COQ7: variants seen among roughly 807,000 people sequenced by gnomAD.
COQ7 encodes coenzyme Q7, hydroxylase.
In COQ7, 21 loss-of-function variants were observed where a neutral mutation model predicts 25.0. That is an observed-to-expected ratio of 0.84 (90% CI 0.60 to 1.21). The LOEUF (loss-of-function observed/expected upper bound fraction) is 1.21, where lower values mean the gene tolerates loss of function less well. COQ7 is among the 50% of genes most tolerant of loss of function. The probability of loss-of-function intolerance (pLI) is 0.00; values close to 1 mark genes in which losing one functional copy is unlikely to be tolerated. For synonymous variants in COQ7, 125 were observed against 112.4 expected, an observed-to-expected ratio of 1.11 and a Z score of -0.71; for missense variants, 311 against 296.2, an observed-to-expected ratio of 1.05 and a Z score of -0.37.
chr16:19,074,238 A>C (rs1962716266), intron 3 of COQ7: 1 of 447,542 alleles, frequency 2.2e-6, no homozygotes, highest in African/African-American at 2.0e-5. Flanking sequence ...GTACTTTAAA[A>C]AAAAAGGCCG....
rs995695620 is a variant in COQ7 at position 19,067,874 on chromosome 16, T to G, written c.73+137T>G. On this transcript the variant is annotated intron_variant, in intron 1 of 5. Coordinates refer to ENST00000321998, the MANE Select transcript of COQ7 (RefSeq NM_016138.5). Reference sequence around the variant, plus strand: ...CTGCGACGGAGCGCGACTGCGTGACTTCGGCCTCCGGGGCGCTGGCGGGCG... The same window carrying G: ...CTGCGACGGAGCGCGACTGCGTGACGTCGGCCTCCGGGGCGCTGGCGGGCG... 2.5e-5 allele frequency: 37 copies of G among 1,497,044 alleles called. No homozygotes were observed. In the African/African-American group the frequency reaches 4.9e-4, roughly 20 times the overall value. 92.7% of individuals were successfully genotyped at this position (1,497,044 alleles called of 1,614,324 possible). A position where few individuals can be genotyped will look rare whatever the true frequency, so the allele number is the denominator to read the frequency against.
chr16:19,077,281 C>A, intron 4 of COQ7, 25 bp from the exon 5 acceptor site: 2 of 1,609,396 alleles, frequency 1.2e-6, no homozygotes, highest in Non-Finnish European at 1.7e-6. Context: ...GGCTAACTTG[C>A]TTTGGTGTCT....
chr16:19,074,675 A>G (rs1962742797), intron 3 of COQ7, among the ~76,000 whole-genome samples: 1 of 152,096 alleles, frequency 6.6e-6, no homozygotes, highest in Admixed American at 6.6e-5. Flanking sequence ...TCTGAGCCTG[A>G]GTATCTTGGA....
chr16:19,077,269 A>G, intron 4 of COQ7, 37 bp from the exon 5 acceptor site: 1 of 1,580,790 alleles, frequency 6.3e-7, no homozygotes, highest in Non-Finnish European at 8.7e-7. Flanking sequence ...GGAGAGTTGG[A>G]AGGCTAACTT....
rs777896232 is a variant in COQ7, at chr16:19,075,846, G to A, written c.493G>A (p.Glu165Lys). 5 of 1,614,206 alleles carry A rather than the reference G, an allele frequency of 3.1e-6. No homozygotes were observed. The highest frequency in any genetic ancestry group is 2.5e-6 in the Non-Finnish European group (3 of 1,180,036). The stretch of plus-strand genomic sequence containing the variant: ...GATGGAGGAGGACCCTGAAAAATAC[G>A]AGGAACTTCTTCAGGTATTTATCCG... ...TLMEEDPEKYEELLQLIKKFR... is the reference protein window; with the variant it reads ...TLMEEDPEKYKELLQLIKKFR... The change falls in exon 4 of 6, where the codon GAG (glutamate) becomes AAG (lysine). Residue 165 changes from glutamate to lysine, a missense_variant. Coordinates refer to ENST00000321998, the MANE Select transcript of COQ7 (RefSeq NM_016138.5).
intron 1 of COQ7, among the ~76,000 whole-genome samples, chr16:19,069,608 G>A (rs1174303498): frequency 3.3e-5 from 5 of 151,492 alleles, no homozygotes; most frequent in African/African-American, 9.7e-5. Flanking sequence ...ACGGGGTTTC[G>A]CCATGATGAC....
chr16:19,067,774 C>G (rs1010214027), intron 1 of COQ7, 37 bp downstream of exon 1: 2 of 1,577,396 alleles, frequency 1.3e-6, no homozygotes, highest in Non-Finnish European at 1.7e-6. Flanking sequence ...CTGCGCCGGT[C>G]TAGCGAGCTA....
intron 1 of COQ7, chr16:19,068,969 G>A: frequency 2.4e-6 from 1 of 416,772 alleles, no homozygotes; most frequent in South Asian, 1.7e-5. Flanking sequence ...AAATTAGCAA[G>A]TGTTGGGAAA....
At chr16:19,073,506 C>G (rs1027884646) in intron 2 of COQ7, among the ~76,000 whole-genome samples, 1 of 151,990 alleles carries the variant, frequency 6.6e-6, no homozygotes, top group African/African-American at 2.4e-5. Context: ...ACAAACAAAC[C>G]ACAACAACAA....
At position 19,075,716 on chromosome 16, in the gene COQ7, C is replaced by A; in HGVS notation, c.368-5C>A. 6.4e-7 allele frequency: 1 copy of A among 1,561,732 alleles called. No homozygotes were observed. On this transcript the variant is annotated splice_region_variant and splice_polypyrimidine_tract_variant and intron_variant, in intron 3 of 5. Coordinates refer to ENST00000321998, the MANE Select transcript of COQ7 (RefSeq NM_016138.5). ...ACTTTTCTGGTCTGGGTTTAACAAT[C>A]CCAGGGGCGGGGACCGCCTTGCTCG...
chr16:19,078,404 T>G lies in COQ7; in HGVS notation c.*246T>G, dbSNP rs1962974355. 3.2e-6 allele frequency: 1 copy of G among 317,156 alleles called. No homozygotes were observed. The highest frequency in any genetic ancestry group is 5.7e-6 in the Non-Finnish European group (1 of 175,754). 19.6% of individuals were successfully genotyped at this position (317,156 alleles called of 1,614,324 possible). On this transcript the variant is annotated 3_prime_UTR_variant, in exon 6 of 6. Transcript: ENST00000321998. ...ACAGCAAACGAAGCTGGGCCTTGTT[T>G]GGTCTCATACTTAATTTTCTTTTAT...
intron 4 of COQ7, 101 bp downstream of exon 4, chr16:19,075,961 G>A (rs1344320820): frequency 1.0e-5 from 15 of 1,483,852 alleles, no homozygotes; most frequent in African/African-American, 2.8e-5. Flanking sequence ...GGGATGATGG[G>A]GGTTTAGAGG....
rs118158414 is a variant in COQ7, at chr16:19,068,156, G to A, written c.73+419G>A. ...CAGCCTCCGCTACTTCTGGGCGCTC[G>A]CTAGAAATACAGATTCTCGGGCCCC... On this transcript the variant is annotated intron_variant, in intron 1 of 5. Transcript: ENST00000321998. 6.6e-3 allele frequency: 6,859 copies of A among 1,045,266 alleles called. 36 individuals carry two copies. The highest frequency in any genetic ancestry group is 0.034 in the Middle Eastern group (73 of 2,154). 64.7% of individuals were successfully genotyped at this position (1,045,266 alleles called of 1,614,324 possible).
Position 19,067,661 on chromosome 16 carries a change from G to A in COQ7, c.-4G>A, listed in dbSNP as rs779453311. 2.5e-6 allele frequency: 4 copies of A among 1,613,272 alleles called. No homozygotes were observed. In the South Asian group the frequency reaches 3.3e-5, roughly 13 times the overall value. On this transcript the variant is annotated 5_prime_UTR_variant, in exon 1 of 6. Coordinates refer to ENST00000321998, the MANE Select transcript of COQ7 (RefSeq NM_016138.5). ...CGAAGTGGTTGCTTTTTTTAGTTCC[G>A]GCAATGAGTTGCGCCGGGGCGGCGG...
intron 3 of COQ7, among the ~76,000 whole-genome samples, chr16:19,074,967 C>T (rs1266696682): frequency 2.0e-5 from 3 of 152,156 alleles, no homozygotes; most frequent in Admixed American, 6.6e-5. Flanking sequence ...GATCTGTTCA[C>T]TCTTTTAAAA....
In COQ7 at chr16:19,078,129, G is replaced by A; in HGVS notation, c.625G>A (p.Val209Met). The A allele has an allele frequency of 1.2e-6, 2 of 1,611,944 alleles. No homozygotes were observed. Among genetic ancestry groups the A allele is most frequent in the Non-Finnish European group, 1.7e-6 (2 of 1,179,078 alleles). ...LKSIIQAGCR[V>M]AIYLSERL The stretch of plus-strand genomic sequence containing the variant: ...GAGCATTATCCAGGCCGGATGCAGA[G>A]TGGCGATATATTTATCAGAAAGATT... The change falls in exon 6 of 6, where the codon GTG becomes ATG. Residue 209 changes from valine to methionine, a missense_variant. Val to Met is a conservative substitution (Grantham distance 21). Coordinates refer to ENST00000321998, the MANE Select transcript of COQ7 (RefSeq NM_016138.5).
chr16:19,068,525 G>A (rs1192140810), intron 1 of COQ7: 2 of 322,620 alleles, frequency 6.2e-6, no homozygotes, highest in Non-Finnish European at 4.5e-6. Flanking sequence ...GATGGCAGGT[G>A]CCTGTAATCC....
At chr16:19,072,326 A>C in intron 2 of COQ7, 1 of 566,714 alleles carries the variant, frequency 1.8e-6, no homozygotes, top group South Asian at 2.2e-5. Context: ...GGTATGCGGT[A>C]TATCTTTGGT....
chr16:19,071,767 C>T, intron 1 of COQ7, 161 bp from the exon 2 acceptor site: 1 of 677,830 alleles, frequency 1.5e-6, no homozygotes, highest in Non-Finnish European at 2.5e-6. Context: ...GTAAAATCCT[C>T]TGTTTTAACA....
Sources: gnomAD v4.1 joint callset for allele counts (sites outside exome capture counted in the v4.1 genomes callset) on GRCh38, gnomAD v4.1.1 for gene constraint, MANE v1.5 for transcripts, NCBI Gene and HGNC (gene_info 2026-07-23, HGNC 2026-07-21) for gene names.